NLGN4X: variants seen among roughly 807,000 people sequenced by gnomAD.
The protein encoded by NLGN4X is neuroligin-4, X-linked.
Under a neutral mutation model 40.3 loss-of-function variants are expected in NLGN4X, and 3 were observed. The observed-to-expected ratio is 0.07, with a 90% CI of 0.03 to 0.19. NLGN4X has a LOEUF of 0.19. Ranked by LOEUF, NLGN4X falls within the 10% of genes least tolerant of loss-of-function variation. The probability of loss-of-function intolerance (pLI) is 1.00; values close to 1 mark genes in which losing one functional copy is unlikely to be tolerated. For missense variants in NLGN4X, 382 were observed against 708.3 expected (o/e 0.54, Z 5.23); for synonymous variants, 270 against 306.8 (o/e 0.88, Z 1.25).
Position 5,921,435 on chromosome X carries a change from G to GA in NLGN4X, c.626-12197_626-12196insT, listed in dbSNP as rs56401350. 9.5e-3 allele frequency among the ~76,000 whole-genome samples: 602 copies of GA among 63,524 alleles called. 1 individual carries two copies. Among genetic ancestry groups the GA allele is most frequent in the Non-Finnish European group, 0.015 (461 of 30,050 alleles). The allele number at this position is 63,524 out of a possible 115,157, so 55.2% of individuals were successfully genotyped here. On this transcript the variant is annotated intron_variant, in intron 3 of 5. Coordinates refer to ENST00000381095, the MANE Select transcript of NLGN4X (RefSeq NM_181332.3). ...AGAGAGAGAGAGAGAGAGAGAGAGAGGAGAGACAGAGACAGAGAGAGAGAG... is the reference window on the plus strand; with the variant it reads ...AGAGAGAGAGAGAGAGAGAGAGAGAGAGAGAGACAGAGACAGAGAGAGAGAG...
intron 1 of NLGN4X, among the ~76,000 whole-genome samples, chrX:6,156,256 T>TCCCA (rs1043771410): frequency 8.9e-6 from 1 of 112,135 alleles, no homozygotes; most frequent in Admixed American, 9.4e-5. Context: ...ACGCCTGTAA[T>TCCCA]CCCAGCACTT....
chrX:5,944,381 C>T (rs2034052996), intron 3 of NLGN4X, among the ~76,000 whole-genome samples: 1 of 110,327 alleles, frequency 9.1e-6, no homozygotes, highest in South Asian at 3.9e-4. Flanking sequence ...GCATGGTGGC[C>T]CATGTCTGTA....
chrX:6,205,103 A>G (rs535372033), intron 1 of NLGN4X, among the ~76,000 whole-genome samples: 80 of 111,853 alleles, frequency 7.2e-4, no homozygotes, highest in African/African-American at 2.6e-3. Context: ...CATTTCTTTC[A>G]GTTATTTCTA....
At chrX:6,009,801 C>T (rs781193933) in intron 3 of NLGN4X, among the ~76,000 whole-genome samples, 54 of 112,445 alleles carry the variant, frequency 4.8e-4, no homozygotes, top group Non-Finnish European at 9.2e-4. Context: ...CGTGGGAACA[C>T]GTATGAAGAC....
At chrX:6,220,731 TTTC>T (rs1925586143) in intron 1 of NLGN4X, among the ~76,000 whole-genome samples, 1 of 65,424 alleles carries the variant, frequency 1.5e-5, no homozygotes, top group Non-Finnish European at 2.7e-5. Flanking sequence ...ACTTTATAAC[TTTC>T]TTTTTTTTTT....
chrX:6,101,578 A>G (rs2038908550), intron 2 of NLGN4X, among the ~76,000 whole-genome samples: 1 of 111,503 alleles, frequency 9.0e-6, no homozygotes, highest in South Asian at 3.8e-4. Context: ...AAAGACTGTT[A>G]TCATATGTTC....
At chrX:5,906,850 G>C (rs764407383) in intron 4 of NLGN4X, among the ~76,000 whole-genome samples, 1 of 111,194 alleles carries the variant, frequency 9.0e-6, no homozygotes, top group African/African-American at 3.3e-5. Context: ...AGGTCGAGGT[G>C]GGTGGGCCAC....
chrX:6,201,831 G>A (rs1053096066), intron 1 of NLGN4X, among the ~76,000 whole-genome samples: 1 of 111,055 alleles, frequency 9.0e-6, no homozygotes, highest in Admixed American at 9.6e-5. Context: ...GTAAGGGCAG[G>A]AAGGAACTTG....
intron 3 of NLGN4X, among the ~76,000 whole-genome samples, chrX:6,023,100 G>A (rs901812347): frequency 2.7e-5 from 3 of 111,542 alleles, no homozygotes; most frequent in East Asian, 2.8e-4. Context: ...GAAATGCACC[G>A]AAATGATCAT....
intron 1 of NLGN4X, among the ~76,000 whole-genome samples, chrX:6,193,247 A>C (rs898021762): frequency 9.0e-6 from 1 of 110,553 alleles, no homozygotes; most frequent in African/African-American, 3.3e-5. Context: ...GTCTCTACTA[A>C]AAATGCAAAA....
At chrX:6,028,613 C>T (rs867654142) in intron 3 of NLGN4X, among the ~76,000 whole-genome samples, 1 of 106,679 alleles carries the variant, frequency 9.4e-6, no homozygotes, top group Non-Finnish European at 1.9e-5. Context: ...GAGCCAAGAT[C>T]GCACCACTGC....
At chrX:5,997,601 C>CATATAT (rs369925416) in intron 3 of NLGN4X, among the ~76,000 whole-genome samples, 4 of 90,812 alleles carry the variant, frequency 4.4e-5, no homozygotes, top group Admixed American at 1.3e-4. Context: ...TATATATACA[C>CATATAT]ATATATATAT....
intron 2 of NLGN4X, among the ~76,000 whole-genome samples, chrX:6,119,539 C>T (rs1016257765): frequency 3.0e-4 from 33 of 110,867 alleles, no homozygotes; most frequent in African/African-American, 1.1e-3. Flanking sequence ...TGGGTAATAA[C>T]GTTGGAAAAG....
At position 6,014,609 on chromosome X, in the gene NLGN4X, A is replaced by C. The variant is rs184470286; in HGVS notation, c.625+14671T>G. ...CTGGAAAATCAAAATCAAAATTCAA[A>C]ATTTTCCAGAAAATCGAACCCTGAG... On this transcript the variant is annotated intron_variant, in intron 3 of 5. Coordinates refer to ENST00000381095, the MANE Select transcript of NLGN4X (RefSeq NM_181332.3). Among the ~76,000 whole-genome samples, 15 of 111,830 alleles carry C rather than the reference A, an allele frequency of 1.3e-4. 1 individual carries two copies. The Admixed American group carries it at 1.4e-3, about 11-fold the overall frequency.
chrX:6,185,203 G>A (rs920177184), intron 1 of NLGN4X, among the ~76,000 whole-genome samples: 1 of 111,980 alleles, frequency 8.9e-6, no homozygotes, highest in African/African-American at 3.2e-5. Flanking sequence ...AAGAGTGACC[G>A]CTGTTCCAGG....
chrX:5,931,745 G>A (rs1391341528), intron 3 of NLGN4X, among the ~76,000 whole-genome samples: 1 of 111,420 alleles, frequency 9.0e-6, no homozygotes, highest in African/African-American at 3.3e-5. Flanking sequence ...AGGATAAGAC[G>A]AGGCATCAAT....
chrX:5,972,640 T>A (rs989873166), intron 3 of NLGN4X, among the ~76,000 whole-genome samples: 2 of 110,893 alleles, frequency 1.8e-5, no homozygotes, highest in African/African-American at 3.3e-5. Context: ...GTCTATTGCA[T>A]CTACTGCATA....
At chrX:6,214,316 C>T (rs1924875512) in intron 1 of NLGN4X, among the ~76,000 whole-genome samples, 2 of 111,401 alleles carry the variant, frequency 1.8e-5, no homozygotes, top group African/African-American at 6.5e-5. Flanking sequence ...ACCAAGTCAT[C>T]TCTCTCTTGG....
chrX:6,005,667 T>C (rs1196283598), intron 3 of NLGN4X, among the ~76,000 whole-genome samples: 1 of 111,640 alleles, frequency 9.0e-6, no homozygotes, highest in Non-Finnish European at 1.9e-5. Context: ...TTTTCTGAAG[T>C]TGTTTATCTG....
Sources: allele counts gnomAD v4.1 joint callset (sites outside exome capture counted in the v4.1 genomes callset), GRCh38; gene constraint gnomAD v4.1.1; transcripts MANE v1.5; gene names NCBI Gene and HGNC (gene_info 2026-07-23, HGNC 2026-07-21).